PCDHGA4: variants seen among roughly 807,000 people sequenced by gnomAD.
The protein encoded by PCDHGA4 is protocadherin gamma subfamily A, 4, also known as protocadherin gamma-A4.
PCDHGA4 carries 38 observed loss-of-function variants against 54.6 expected under a neutral mutation model. That is an observed-to-expected ratio of 0.70 (90% confidence interval 0.54 to 0.91). PCDHGA4 has a LOEUF of 0.91. Among genes scored for constraint, PCDHGA4 ranks in the 40% least tolerant of loss-of-function variants. The pLI is 0.00. For synonymous variants in PCDHGA4, 511 were observed against 512.9 expected, an observed-to-expected ratio of 1.00 and a Z score of 0.05; for missense variants, 1,298 against 1,220.9, an observed-to-expected ratio of 1.06 and a Z score of -0.94.
rs1227374616 is a variant in PCDHGA4 at position 141,357,294 on chromosome 5, C to T, written c.2187C>T (p.Ala729=). The stretch of plus-strand genomic sequence containing the variant: ...CACTCTATCTCGTGGTGGCAGTGGC[C>T]GCTGTCTCCTGCGTCTTCCTGGCTT... The part of the protein sequence containing the change: ...GLTLYLVVAV[A]AVSCVFLAFV... Residue 729 remains alanine (A), a synonymous_variant, in exon 1 of 4, where the codon GCC becomes GCT. Coordinates refer to ENST00000571252, the MANE Select transcript of PCDHGA4 (RefSeq NM_018917.4). The T allele has an allele frequency of 1.2e-6, 2 of 1,613,992 alleles. No homozygotes were observed. The highest frequency in any genetic ancestry group is 2.2e-5 in the South Asian group (2 of 91,082).
intron 1 of PCDHGA4, chr5:141,484,949 A>G: frequency 1.8e-6 from 1 of 557,402 alleles, no homozygotes; most frequent in East Asian, 3.1e-5. Flanking sequence ...TGCTCAGCCT[A>G]TTGGCTGAGC....
chr5:141,405,120 A>G (rs1223444295), intron 1 of PCDHGA4: 2 of 1,613,938 alleles, frequency 1.2e-6, no homozygotes, highest in Non-Finnish European at 1.7e-6. Context: ...CACTCCTCGC[A>G]TCTGCTGCGG....
intron 1 of PCDHGA4, chr5:141,414,659 T>A (rs566999623): frequency 6.2e-7 from 1 of 1,614,010 alleles, no homozygotes; most frequent in South Asian, 1.1e-5. Flanking sequence ...ATTTACTCCC[T>A]GGCTGAAGAC....
In PCDHGA4 at chr5:141,485,089, G is replaced by C; in HGVS notation, c.2515-9718G>C. 9.7e-7 allele frequency: 1 copy of C among 1,027,236 alleles called. No individual in the cohort carries two copies. The highest frequency in any genetic ancestry group is 1.5e-6 in the Non-Finnish European group (1 of 674,564). The allele number at this position is 1,027,236 out of a possible 1,614,324, so 63.6% of individuals were successfully genotyped here. On this transcript the variant is annotated intron_variant, in intron 1 of 3. Coordinates refer to ENST00000571252, the MANE Select transcript of PCDHGA4 (RefSeq NM_018917.4). This position sits in a 1 kb window ranked among gnomAD's most constrained non-coding sequence, Gnocchi z 5.7. ...GAGCTGGCGCGGGGAAAGGGAGATA[G>C]GTGTCTCCAGCTGCTGTGGCTGTTT... is the stretch of plus-strand genomic sequence containing the variant.
intron 1 of PCDHGA4, chr5:141,433,013 AC>A: frequency 6.2e-7 from 1 of 1,614,018 alleles, no homozygotes; most frequent in Non-Finnish European, 8.5e-7. Flanking sequence ...TTTCCTGCAG[AC>A]CTATTCCCAC....
At chr5:141,399,641 C>T (rs747527070) in intron 1 of PCDHGA4, 5 of 1,613,852 alleles carry the variant, frequency 3.1e-6, no homozygotes, top group Non-Finnish European at 4.2e-6. Context: ...TCCATGAGCG[C>T]GCAAAGTGGG....
chr5:141,399,695 C>G, intron 1 of PCDHGA4: 1 of 1,613,480 alleles, frequency 6.2e-7, no homozygotes, highest in South Asian at 1.1e-5. Flanking sequence ...CAGCTGCGCA[C>G]CTTCGAACTC....
chr5:141,431,071 A>G lies in PCDHGA4; in HGVS notation c.2515-63736A>G. The G allele has an allele frequency of 6.2e-7, 1 of 1,614,244 alleles. No homozygotes were observed. On this transcript the variant is annotated intron_variant, in intron 1 of 3. Coordinates refer to ENST00000571252, the MANE Select transcript of PCDHGA4 (RefSeq NM_018917.4). The surrounding 1 kb of genome is among the most constrained non-coding windows in gnomAD (Gnocchi z 4.8). ...GTATGGGGGCCATCAAGTGTCAATTAAATCTAGACATTCTGATGGAGGATA... is the reference window on the plus strand; with the variant it reads ...GTATGGGGGCCATCAAGTGTCAATTGAATCTAGACATTCTGATGGAGGATA...
chr5:141,485,827 G>A lies in PCDHGA4; in HGVS notation c.2515-8980G>A. 1 of 1,614,154 alleles carries A rather than the reference G, an allele frequency of 6.2e-7. No individual in the cohort carries two copies. The highest frequency in any genetic ancestry group is 1.1e-5 in the South Asian group (1 of 91,080). On this transcript the variant is annotated intron_variant, in intron 1 of 3. Coordinates refer to ENST00000571252, the MANE Select transcript of PCDHGA4 (RefSeq NM_018917.4). The surrounding 1 kb of genome is among the most constrained non-coding windows in gnomAD (Gnocchi z 5.7). Reference sequence around the variant, plus strand: ...TGGTGCTGACTGCTGTCGATGGAGGGAACCCGCCGAGATCTGGCACCGCAG... The same window carrying A: ...TGGTGCTGACTGCTGTCGATGGAGGAAACCCGCCGAGATCTGGCACCGCAG...
chr5:141,491,578 C>G lies in PCDHGA4; in HGVS notation c.2515-3229C>G, dbSNP rs1438933474. ...CCACTGCTACAGGACGTGCTTTTCA[C>G]CGGCCTCGGACGGCAGTGACTTCAC... On this transcript the variant is annotated intron_variant, in intron 1 of 3. Transcript: ENST00000571252. This position sits in a 1 kb window ranked among gnomAD's most constrained non-coding sequence, Gnocchi z 6.9. The G allele has an allele frequency of 1.9e-6, 3 of 1,614,006 alleles. No individual in the cohort carries two copies. Among genetic ancestry groups the G allele is most frequent in the Non-Finnish European group, 2.5e-6 (3 of 1,180,036 alleles).
At chr5:141,361,026 A>G (rs1357990065) in intron 1 of PCDHGA4, 2 of 1,613,406 alleles carry the variant, frequency 1.2e-6, no homozygotes, top group Non-Finnish European at 1.7e-6. Flanking sequence ...TAAATGAAAA[A>G]ACAGGAGAAA....
At chr5:141,422,344 C>A in intron 1 of PCDHGA4, 1 of 1,550,890 alleles carries the variant, frequency 6.4e-7, no homozygotes, top group Non-Finnish European at 8.7e-7. Flanking sequence ...TCTAAATGTG[C>A]AAGATCAAGA....
intron 1 of PCDHGA4, among the ~76,000 whole-genome samples, chr5:141,466,036 G>C (rs981390655): frequency 1.3e-5 from 2 of 152,064 alleles, no homozygotes; most frequent in Non-Finnish European, 2.9e-5. Context: ...GCAGGAGAAC[G>C]GCATGAACCC....
Position 141,355,329 on chromosome 5 carries a change from A to G in PCDHGA4, c.222A>G (p.Ser74=). The change falls in exon 1 of 4, where the codon TCA becomes TCG. Residue 74 remains serine (S), a synonymous_variant. Coordinates refer to ENST00000571252, the MANE Select transcript of PCDHGA4 (RefSeq NM_018917.4). The part of the protein sequence containing the change: ...YSVFEEQEEG[S]VVGNIAKDLG... The stretch of plus-strand genomic sequence containing the variant: ...TGTTTGAGGAGCAGGAAGAAGGCTC[A>G]GTGGTGGGCAACATCGCCAAGGACC... The G allele has an allele frequency of 6.2e-7, 1 of 1,614,020 alleles. No individual in the cohort carries two copies. The highest frequency in any genetic ancestry group is 8.5e-7 in the Non-Finnish European group (1 of 1,179,906).
At chr5:141,492,195 CTT>C (rs1240529719) in intron 1 of PCDHGA4, among the ~76,000 whole-genome samples, 1 of 152,242 alleles carries the variant, frequency 6.6e-6, no homozygotes, top group Non-Finnish European at 1.5e-5. Context: ...GTCTGCGGGA[CTT>C]AGGTGTGCGC....
chr5:141,358,450 A>G (rs62378416), intron 1 of PCDHGA4, among the ~76,000 whole-genome samples: 4,507 of 152,282 alleles, frequency 0.03, 78 homozygotes, highest in Middle Eastern at 0.088. Flanking sequence ...ACGTCAATTT[A>G]AGAATACTGG....
chr5:141,372,536 C>T, intron 1 of PCDHGA4: 1 of 1,614,034 alleles, frequency 6.2e-7, no homozygotes, highest in East Asian at 2.2e-5. Flanking sequence ...TCTCCCTGCG[C>T]CTGCGATGCT....
intron 1 of PCDHGA4, chr5:141,391,032 T>C (rs908748282): frequency 2.0e-5 from 3 of 152,212 alleles, no homozygotes; most frequent in African/African-American, 7.2e-5. Context: ...AAGACAATGT[T>C]TTGTGTCTGT....
chr5:141,364,827 C>G (rs1444045845), intron 1 of PCDHGA4: 1 of 1,613,996 alleles, frequency 6.2e-7, no homozygotes, highest in Non-Finnish European at 8.5e-7. Context: ...GGTGTGAACT[C>G]TCTCCGGAGT....
Sources: allele counts gnomAD v4.1 joint callset (sites outside exome capture counted in the v4.1 genomes callset), GRCh38; gene constraint gnomAD v4.1.1; non-coding constraint Gnocchi (gnomAD v3.1); transcripts MANE v1.5; gene names NCBI Gene and HGNC (gene_info 2026-07-23, HGNC 2026-07-21).